GLDN: variants seen among roughly 807,000 people sequenced by gnomAD.
GLDN encodes gliomedin.
Under a neutral mutation model 56.5 loss-of-function variants are expected in GLDN, and 47 were observed. The observed-to-expected ratio is 0.83, with a 90% CI of 0.66 to 1.06. The LOEUF is 1.06. Ranked by LOEUF, GLDN falls within the 50% of genes least tolerant of loss-of-function variation. The probability of loss-of-function intolerance (pLI) is 0.00; values close to 1 mark genes in which losing one functional copy is unlikely to be tolerated. For synonymous variants in GLDN, 332 were observed against 278.8 expected, an observed-to-expected ratio of 1.19 and a Z score of -1.90; for missense variants, 782 against 714.3, an observed-to-expected ratio of 1.09 and a Z score of -1.08.
In GLDN at chr15:51,407,724, G is replaced by C. The variant is rs1384906092; in HGVS notation, c.*2970G>C. The stretch of plus-strand genomic sequence containing the variant: ...ATCTTAGGCATCTTAACAGTCACAA[G>C]GTGAAAAGTCAAATGAAACAGTACA... On this transcript the variant is annotated 3_prime_UTR_variant, in exon 10 of 10. Coordinates refer to ENST00000335449, the MANE Select transcript of GLDN (RefSeq NM_181789.4). 2.0e-5 allele frequency: 3 copies of C among 152,212 alleles called. No homozygotes were observed. Among genetic ancestry groups the C allele is most frequent in the African/African-American group, 7.2e-5 (3 of 41,460 alleles). The allele number at this position is 152,212 out of a possible 1,614,324, so 9.4% of individuals were successfully genotyped here. A position where few individuals can be genotyped will look rare whatever the true frequency, so the allele number is the denominator to read the frequency against.
chr15:51,358,596 C>A (rs2037231415), intron 1 of GLDN, among the ~76,000 whole-genome samples: 1 of 152,118 alleles, frequency 6.6e-6, no homozygotes, highest in South Asian at 2.1e-4. Flanking sequence ...TGATTGCACA[C>A]CCTGGAAAGA....
chr15:51,381,760 C>G (rs2037765565), intron 2 of GLDN, among the ~76,000 whole-genome samples: 1 of 150,414 alleles, frequency 6.6e-6, no homozygotes, highest in Admixed American at 6.6e-5. Flanking sequence ...CTACAAAGAT[C>G]CCCTAGGGTT....
intron 1 of GLDN, among the ~76,000 whole-genome samples, chr15:51,359,218 GA>G (rs528427200): frequency 5.0e-4 from 76 of 152,258 alleles, no homozygotes; most frequent in African/African-American, 1.8e-3. Flanking sequence ...TTCCCTCTCA[GA>G]CTTAAAACAG....
At position 51,380,996 on chromosome 15, in the gene GLDN, A is replaced by T. The variant is rs983754103; in HGVS notation, c.416-2440A>T. ...GATTATTGGGCCTCACTCTAAATCCAAACTGAATTAGGAACCCCAGATGGG... is the reference window on the plus strand; with the variant it reads ...GATTATTGGGCCTCACTCTAAATCCTAACTGAATTAGGAACCCCAGATGGG... On this transcript the variant is annotated intron_variant, in intron 2 of 9. Coordinates refer to ENST00000335449, the MANE Select transcript of GLDN (RefSeq NM_181789.4). Among the ~76,000 whole-genome samples, 4 of 152,216 alleles carry T rather than the reference A, an allele frequency of 2.6e-5. No homozygotes were observed. In the East Asian group the frequency reaches 5.8e-4, roughly 22 times the overall value.
At chr15:51,392,180 C>T (rs995941176) in intron 4 of GLDN, among the ~76,000 whole-genome samples, 24 of 152,154 alleles carry the variant, frequency 1.6e-4, no homozygotes, top group African/African-American at 4.6e-4. Flanking sequence ...TCCAGGTTTA[C>T]GTTTTAGGGT....
Position 51,406,434 on chromosome 15 carries a change from A to T in GLDN, c.*1680A>T, listed in dbSNP as rs549325880. ...CAGCAACTTGTCCCAATTTGTGTGT[A>T]TTCTGAAACTTTCTCTTTGGGACCA... On this transcript the variant is annotated 3_prime_UTR_variant, in exon 10 of 10. Transcript: ENST00000335449. The T allele has an allele frequency of 1.3e-5, 2 of 152,182 alleles. No individual in the cohort carries two copies. The highest frequency in any genetic ancestry group is 2.9e-5 in the Non-Finnish European group (2 of 68,032). The allele number at this position is 152,182 out of a possible 1,614,324, so 9.4% of individuals were successfully genotyped here.
intron 1 of GLDN, among the ~76,000 whole-genome samples, chr15:51,356,205 C>CAAAA (rs368789885): frequency 8.4e-6 from 1 of 119,090 alleles, no homozygotes; most frequent in African/African-American, 3.0e-5. Context: ...GACTCTGTCT[C>CAAAA]AAAAAAAAAA....
chr15:51,377,438 C>A lies in GLDN; in HGVS notation c.364-11C>A. 1.2e-6 allele frequency: 2 copies of A among 1,612,888 alleles called. No individual in the cohort carries two copies. Among genetic ancestry groups the A allele is most frequent in the Non-Finnish European group, 1.7e-6 (2 of 1,178,844 alleles). Reference sequence around the variant, plus strand: ...CCACTGTCTGCTCTGATGACCCTCTCTCCCCTGCAGATCCGAGTGATGGTG... The same window carrying A: ...CCACTGTCTGCTCTGATGACCCTCTATCCCCTGCAGATCCGAGTGATGGTG... On this transcript the variant is annotated splice_polypyrimidine_tract_variant and intron_variant, in intron 1 of 9. Transcript: ENST00000335449.
At chr15:51,381,764 TA>T (rs2037765927) in intron 2 of GLDN, among the ~76,000 whole-genome samples, 2 of 145,914 alleles carry the variant, frequency 1.4e-5, no homozygotes. Context: ...AAAGATCCCC[TA>T]GGGTTTTTTT....
chr15:51,408,707 G>T (rs1401011181), downstream of GLDN, among the ~76,000 whole-genome samples: 1 of 152,056 alleles, frequency 6.6e-6, no homozygotes, highest in East Asian at 1.9e-4. Context: ...ACAGGCCCTG[G>T]TGTGTGGTGT....
At chr15:51,397,445 T>C in intron 5 of GLDN, 25 bp from the exon 6 acceptor site, 1 of 1,309,392 alleles carries the variant, frequency 7.6e-7, no homozygotes, top group Non-Finnish European at 9.9e-7. Flanking sequence ...CCTCCTTCTC[T>C]CCCTTTCTCT....
At chr15:51,410,541 C>T (rs1461816718), downstream of GLDN, among the ~76,000 whole-genome samples, 2 of 152,174 alleles carry the variant, frequency 1.3e-5, no homozygotes, top group African/African-American at 4.8e-5. Flanking sequence ...TGTAGATTGA[C>T]TTTCTCTGTC....
At chr15:51,368,453 C>A (rs1026605329) in intron 1 of GLDN, among the ~76,000 whole-genome samples, 1 of 151,724 alleles carries the variant, frequency 6.6e-6, no homozygotes, top group South Asian at 2.1e-4. Context: ...CCCCCCAGGC[C>A]GCTGATGTGG....
chr15:51,412,937 G>A (rs1309796012), downstream of GLDN, among the ~76,000 whole-genome samples: 1 of 152,048 alleles, frequency 6.6e-6, no homozygotes, highest in Non-Finnish European at 1.5e-5. Context: ...AAGGTTTGAA[G>A]ACTCTCGGTC....
chr15:51,363,799 C>A (rs1012746286), intron 1 of GLDN, among the ~76,000 whole-genome samples: 7 of 152,200 alleles, frequency 4.6e-5, no homozygotes, highest in African/African-American at 1.7e-4. Context: ...GAGCACGATA[C>A]AGGTAGATGC....
chr15:51,366,551 G>A lies in GLDN; in HGVS notation c.364-10898G>A, dbSNP rs995208664. Among the ~76,000 whole-genome samples the A allele has an allele frequency of 2.6e-5, 4 of 152,346 alleles. No individual in the cohort carries two copies. In the South Asian group the frequency reaches 8.3e-4, roughly 32 times the overall value. ...TATAAGTCTTAGTAAGATTTATTCA[G>A]ATTACATTTTGAATTCAGTTGTCAA... On this transcript the variant is annotated intron_variant, in intron 1 of 9. Coordinates refer to ENST00000335449, the MANE Select transcript of GLDN (RefSeq NM_181789.4).
At chr15:51,380,467 G>A (rs1019961063) in intron 2 of GLDN, among the ~76,000 whole-genome samples, 6 of 152,192 alleles carry the variant, frequency 3.9e-5, no homozygotes, top group Non-Finnish European at 4.4e-5. Flanking sequence ...CATGGCATTT[G>A]ACATTATTTG....
Position 51,381,794 on chromosome 15 carries a change from C to T in GLDN, c.416-1642C>T, listed in dbSNP as rs568300714. Among the ~76,000 whole-genome samples the T allele has an allele frequency of 2.6e-5, 4 of 151,094 alleles. No individual in the cohort carries two copies. The South Asian group carries it at 8.4e-4, about 32-fold the overall frequency. ...TTTTTTTTTTTTCTGCAATGCCCAT[C>T]CTCCATGTCTCTCTTCCTGTCTCTG... On this transcript the variant is annotated intron_variant, in intron 2 of 9. Transcript: ENST00000335449.
At chr15:51,389,922 A>C (rs952802379) in intron 4 of GLDN, among the ~76,000 whole-genome samples, 1 of 152,192 alleles carries the variant, frequency 6.6e-6, no homozygotes, top group African/African-American at 2.4e-5. Flanking sequence ...AGCCATTATA[A>C]GACTACCCTG....
Sources: gnomAD v4.1 joint callset for allele counts (sites outside exome capture counted in the v4.1 genomes callset) on GRCh38, gnomAD v4.1.1 for gene constraint, MANE v1.5 for transcripts, NCBI Gene and HGNC (gene_info 2026-07-23, HGNC 2026-07-21) for gene names.